Variants in VDAC1 observed in about 807,000 individuals in gnomAD.
VDAC1 encodes voltage dependent anion channel 1.
VDAC1 carries 10 observed loss-of-function variants against 34.7 expected under a neutral mutation model. The observed-to-expected ratio is 0.29, with a 90% CI of 0.18 to 0.49. The LOEUF (loss-of-function observed/expected upper bound fraction) is 0.49. Ranked by LOEUF, VDAC1 falls within the 20% of genes least tolerant of loss-of-function variation. The pLI is 0.99. For synonymous variants in VDAC1, 130 were observed against 136.0 expected (o/e 0.96, Z 0.30); for missense variants, 230 against 347.9 (o/e 0.66, Z 2.69).
At chr5:134,039,668 G>A in the VDAC1 span, among the ~76,000 whole-genome samples, 1 of 152,074 alleles carries the variant, frequency 6.6e-6, no homozygotes, top group African/African-American at 2.4e-5. Flanking sequence ...TGGTTCTACT[G>A]AGAACCCTCT....
chr5:133,991,664 G>A (rs776282033), intron 3 of VDAC1, among the ~76,000 whole-genome samples: 4 of 152,112 alleles, frequency 2.6e-5, no homozygotes, highest in Non-Finnish European at 4.4e-5. Flanking sequence ...GCTGAACTGG[G>A]GGCCTACTGG....
the VDAC1 span, among the ~76,000 whole-genome samples, chr5:134,039,398 GGCTCACTGTAAGCTCT>G: frequency 1.3e-5 from 2 of 152,026 alleles, no homozygotes; most frequent in Admixed American, 1.3e-4. Flanking sequence ...GCGCAATCTC[GGCTCACTGTAAGCTCT>G]GCCTCCTGGG....
the VDAC1 span, among the ~76,000 whole-genome samples, chr5:134,046,631 G>A: frequency 4.2e-3 from 647 of 152,334 alleles, 11 homozygotes; most frequent in East Asian, 0.051. Flanking sequence ...AAATGCCCAA[G>A]GTTTAATGGG....
chr5:134,034,111 A>G, the VDAC1 span, among the ~76,000 whole-genome samples: 2 of 152,220 alleles, frequency 1.3e-5, no homozygotes, highest in Non-Finnish European at 1.5e-5. Flanking sequence ...TTGATTATGC[A>G]TTGGTAAGAC....
chr5:134,076,773 G>A, the VDAC1 span, among the ~76,000 whole-genome samples: 2 of 152,154 alleles, frequency 1.3e-5, no homozygotes, highest in Non-Finnish European at 2.9e-5. Context: ...GAGGCCTTAG[G>A]TACAGGAGGC....
chr5:134,055,405 C>CTTATTTTGTTTGTTTG, the VDAC1 span, among the ~76,000 whole-genome samples: 1 of 151,428 alleles, frequency 6.6e-6, no homozygotes, highest in Non-Finnish European at 1.5e-5. Flanking sequence ...AGGACAAGTG[C>CTTATTTTGTTTGTTTG]TTATTTTGTT....
At chr5:133,998,795 A>G (rs940381779) in intron 1 of VDAC1, among the ~76,000 whole-genome samples, 2 of 152,170 alleles carry the variant, frequency 1.3e-5, no homozygotes, top group African/African-American at 4.8e-5. Context: ...GAGCTCCCTA[A>G]CTTCAGGGTG....
At chr5:134,056,780 G>A in the VDAC1 span, among the ~76,000 whole-genome samples, 27 of 152,172 alleles carry the variant, frequency 1.8e-4, no homozygotes, top group Admixed American at 1.5e-3. Flanking sequence ...CCGCCTCCCA[G>A]GTTCAAGCAA....
chr5:133,978,180 TCCC>T (rs397693068), intron 6 of VDAC1, among the ~76,000 whole-genome samples: 8 of 151,848 alleles, frequency 5.3e-5, no homozygotes, highest in African/African-American at 1.9e-4. Context: ...TTTTTTTTTT[TCCC>T]CAAGATGGGA....
At chr5:134,052,161 T>G in the VDAC1 span, among the ~76,000 whole-genome samples, 25 of 152,144 alleles carry the variant, frequency 1.6e-4, no homozygotes, top group Non-Finnish European at 1.0e-4. Context: ...AAGAGAAATC[T>G]GAAGGGTCAA....
chr5:133,984,805 G>A (rs1229910401), intron 5 of VDAC1, among the ~76,000 whole-genome samples: 4 of 152,054 alleles, frequency 2.6e-5, no homozygotes, highest in African/African-American at 7.2e-5. Flanking sequence ...GTGTGGTGGT[G>A]CACACCTGTA....
At chr5:133,997,354 G>A (rs1580728761) in intron 1 of VDAC1, among the ~76,000 whole-genome samples, 1 of 152,030 alleles carries the variant, frequency 6.6e-6, no homozygotes, top group East Asian at 1.9e-4. Context: ...AAAGGAAAAT[G>A]AATGAATAAA....
chr5:134,109,641 G>A, the VDAC1 span, among the ~76,000 whole-genome samples: 1 of 152,164 alleles, frequency 6.6e-6, no homozygotes, highest in East Asian at 1.9e-4. Flanking sequence ...GTGGTGGCAG[G>A]TGCCTGTAAT....
the VDAC1 span, among the ~76,000 whole-genome samples, chr5:134,080,155 C>T: frequency 2.6e-5 from 4 of 152,248 alleles, no homozygotes; most frequent in Admixed American, 2.6e-4. Flanking sequence ...TCTCAGGCCA[C>T]TCACTGTGGT....
intron 1 of VDAC1, among the ~76,000 whole-genome samples, chr5:134,001,959 C>T (rs1753575577): frequency 6.6e-6 from 1 of 152,152 alleles, no homozygotes; most frequent in Admixed American, 6.5e-5. Context: ...CAACTTTTCT[C>T]AGTGGCTACC....
chr5:134,050,280 C>T, the VDAC1 span, among the ~76,000 whole-genome samples: 1 of 152,102 alleles, frequency 6.6e-6, no homozygotes, highest in Non-Finnish European at 1.5e-5. Flanking sequence ...AATAAATGTG[C>T]CACCTTCTCT....
At chr5:134,002,723 G>GGGAGGC (rs1467335852) in intron 1 of VDAC1, among the ~76,000 whole-genome samples, 1 of 152,166 alleles carries the variant, frequency 6.6e-6, no homozygotes, top group Non-Finnish European at 1.5e-5. Context: ...CCAGCACTTT[G>GGGAGGC]GGAGGCGGAG....
intron 5 of VDAC1, among the ~76,000 whole-genome samples, chr5:133,989,660 CTTT>C (rs58777659): frequency 6.9e-6 from 1 of 145,218 alleles, no homozygotes; most frequent in Non-Finnish European, 1.5e-5. Flanking sequence ...GCATCCGACT[CTTT>C]TTTTTTTTTT....
chr5:134,057,714 CTT>C, the VDAC1 span, among the ~76,000 whole-genome samples: 1 of 151,216 alleles, frequency 6.6e-6, no homozygotes, highest in Admixed American at 6.6e-5. Flanking sequence ...GGATATGTGT[CTT>C]TTGAATTTTA....
Sources: gnomAD v4.1 joint callset for allele counts (sites outside exome capture counted in the v4.1 genomes callset) on GRCh38, gnomAD v4.1.1 for gene constraint, MANE v1.5 for transcripts, NCBI Gene and HGNC (gene_info 2026-07-23, HGNC 2026-07-21) for gene names.